The following PTPN21 variants were observed in gnomAD, a reference collection of about 807,000 sequenced individuals.
The protein encoded by PTPN21 is tyrosine-protein phosphatase non-receptor type 21.
PTPN21 carries 77 observed loss-of-function variants against 131.8 expected under a neutral mutation model. The ratio of observed to expected loss-of-function variants is 0.58; its 90% CI spans 0.49 to 0.71. The LOEUF is 0.71. Among genes scored for constraint, PTPN21 ranks in the 30% least tolerant of loss-of-function variants. PTPN21 has a pLI of 0.00. For missense variants in PTPN21, 1,552 were observed against 1,527.1 expected (o/e 1.02, Z -0.27); for synonymous variants, 715 against 621.3 (o/e 1.15, Z -2.24).
intron 2 of PTPN21, among the ~76,000 whole-genome samples, chr14:88,522,435 AAAAAAAAAG>A (rs1464390372): frequency 1.3e-5 from 2 of 150,730 alleles, no homozygotes; most frequent in Non-Finnish European, 3.0e-5. Flanking sequence ...CTCAAAAAAA[AAAAAAAAAG>A]AAAAAAAGAA....
chr14:88,484,108 A>C (rs1284142977), intron 12 of PTPN21, among the ~76,000 whole-genome samples: 1 of 151,858 alleles, frequency 6.6e-6, no homozygotes. Flanking sequence ...GTAGCACAAA[A>C]TCTTGGCTCA....
At chr14:88,519,394 T>G (rs2078355154) in intron 2 of PTPN21, among the ~76,000 whole-genome samples, 1 of 152,182 alleles carries the variant, frequency 6.6e-6, no homozygotes, top group Non-Finnish European at 1.5e-5. Context: ...TACTGAGTAC[T>G]TGAAATGTGG....
chr14:88,513,105 T>C (rs2078210661), intron 3 of PTPN21, among the ~76,000 whole-genome samples: 9 of 152,194 alleles, frequency 5.9e-5, no homozygotes. Flanking sequence ...TTTAAAGTAT[T>C]ATGAATTCAT....
rs141898696 is a variant in PTPN21, at chr14:88,507,954, T to C, written c.417A>G (p.Gln139=). The change falls in exon 4 of 19, where the codon CAA becomes CAG. Residue 139 remains glutamine, a synonymous_variant. Transcript: ENST00000556564. ...CAGCTAAGCCTGCTAGCTGAATTGC[T>C]TGTTCTAAGGTACAAGGAATACTTC... ...LEGSIPCTLE[Q]AIQLAGLAVQ... is the part of the protein sequence containing the mutation. 84 of 1,606,730 alleles carry C rather than the reference T, an allele frequency of 5.2e-5. 1 individual carries two copies. In the African/African-American group the frequency reaches 9.2e-4, roughly 18 times the overall value.
At chr14:88,478,560 T>A (rs73314122) in intron 13 of PTPN21, among the ~76,000 whole-genome samples, 5,406 of 151,974 alleles carry the variant, frequency 0.036, 352 homozygotes, top group African/African-American at 0.12. Flanking sequence ...ACCCACAGTA[T>A]TTTTAATGGG....
chr14:88,547,540 G>C (rs1234359235), intron 2 of PTPN21: 1 of 381,908 alleles, frequency 2.6e-6, no homozygotes, highest in Non-Finnish European at 5.2e-6. Context: ...TGTAGTCCCA[G>C]CTCTTGGCAG....
chr14:88,541,164 T>C (rs996901424), intron 2 of PTPN21, among the ~76,000 whole-genome samples: 1 of 152,200 alleles, frequency 6.6e-6, no homozygotes, highest in Admixed American at 6.5e-5. Context: ...AAACCCTTGA[T>C]AGGAAGTTAT....
chr14:88,468,876 T>C, intron 18 of PTPN21, 40 bp downstream of exon 18: 1 of 1,613,232 alleles, frequency 6.2e-7, no homozygotes, highest in Non-Finnish European at 8.5e-7. Context: ...CCCAGCCTCA[T>C]TTCCACCCAA....
chr14:88,549,576 G>A (rs1666040200), intron 2 of PTPN21, among the ~76,000 whole-genome samples: 1 of 152,038 alleles, frequency 6.6e-6, no homozygotes, highest in Non-Finnish European at 1.5e-5. Context: ...CAGCATGCGG[G>A]CCAGAGAAGC....
chr14:88,497,215 A>C lies in PTPN21; in HGVS notation c.840T>G (p.Ile280Met), dbSNP rs61742571. 4 of 1,607,104 alleles carry C rather than the reference A, an allele frequency of 2.5e-6. No homozygotes were observed. In the African/African-American group the frequency reaches 5.4e-5, roughly 22 times the overall value. ...AATGTTTACTCACAGTTTGAAATTGAATGGTCTCCTCTTTATTTGCCAGCT... is the reference window on the plus strand; with the variant it reads ...AATGTTTACTCACAGTTTGAAATTGCATGGTCTCCTCTTTATTTGCCAGCT... ...ALELANKEET[I>M]QFQTEDMETA... is the part of the protein sequence containing the mutation. Residue 280 changes from isoleucine (I) to methionine (M), a missense_variant, in exon 9 of 19, where the codon ATT (isoleucine) becomes ATG (methionine). By Grantham distance (10) the Ile-to-Met change is conservative. Transcript: ENST00000556564.
At chr14:88,471,833 A>G (rs1466150794) in intron 15 of PTPN21, among the ~76,000 whole-genome samples, 1 of 152,088 alleles carries the variant, frequency 6.6e-6, no homozygotes, top group African/African-American at 2.4e-5. Flanking sequence ...CAGGCAACAC[A>G]AGGTCAAGGC....
intron 10 of PTPN21, among the ~76,000 whole-genome samples, chr14:88,489,159 C>T (rs1282149793): frequency 6.6e-6 from 1 of 152,116 alleles, no homozygotes; most frequent in Non-Finnish European, 1.5e-5. Context: ...ATGTGGTATC[C>T]CTGGTGCCTT....
intron 2 of PTPN21, among the ~76,000 whole-genome samples, chr14:88,545,779 G>A (rs543280161): frequency 1.1e-4 from 17 of 152,100 alleles, no homozygotes; most frequent in Admixed American, 9.2e-4. Flanking sequence ...TGGCTAACAC[G>A]GTGAAACCCC....
At chr14:88,525,350 G>A (rs907569095) in intron 2 of PTPN21, among the ~76,000 whole-genome samples, 7 of 151,780 alleles carry the variant, frequency 4.6e-5, no homozygotes, top group African/African-American at 9.7e-5. Flanking sequence ...TACTTGAAAC[G>A]TATAAAATGA....
At chr14:88,493,089 C>T in intron 10 of PTPN21, 1 of 456,626 alleles carries the variant, frequency 2.2e-6, no homozygotes, top group South Asian at 1.5e-5. Flanking sequence ...CAGGGCAAGA[C>T]ATTTCACTTC....
At position 88,479,655 on chromosome 14, in the gene PTPN21, G is replaced by A; in HGVS notation, c.1776C>T (p.Pro592=). 4 of 1,545,500 alleles carry A rather than the reference G, an allele frequency of 2.6e-6. No individual in the cohort carries two copies. The highest frequency in any genetic ancestry group is 2.4e-5 in the South Asian group (2 of 81,990). Residue 592 remains proline, a synonymous_variant, in exon 13 of 19, where the codon CCC becomes CCT. Coordinates refer to ENST00000556564, the MANE Select transcript of PTPN21 (RefSeq NM_007039.4). ...SRHLYISSSN[P]DLITRRVHHS... is the part of the protein sequence containing the mutation. ...GGTGCACGCGCCGCGTGATGAGGTC[G>A]GGGTTGCTGCTGCTGATGTAAAGGT...
intron 8 of PTPN21, among the ~76,000 whole-genome samples, chr14:88,500,454 T>C (rs979288623): frequency 1.1e-4 from 16 of 152,018 alleles, no homozygotes; most frequent in African/African-American, 3.9e-4. Flanking sequence ...AACCAATAAA[T>C]AGCCTTGGAA....
intron 2 of PTPN21, among the ~76,000 whole-genome samples, chr14:88,519,536 A>G (rs925196570): frequency 6.6e-6 from 1 of 152,160 alleles, no homozygotes; most frequent in African/African-American, 2.4e-5. Context: ...ATAATAGAAC[A>G]TTTCTTTGAC....
chr14:88,517,894 A>G (rs2078306175), intron 2 of PTPN21, among the ~76,000 whole-genome samples: 1 of 145,604 alleles, frequency 6.9e-6, no homozygotes, highest in Non-Finnish European at 1.5e-5. Context: ...ATATACGTGT[A>G]TGTGTATATA....
Sources: allele counts gnomAD v4.1 joint callset (sites outside exome capture counted in the v4.1 genomes callset), GRCh38; gene constraint gnomAD v4.1.1; transcripts MANE v1.5; gene names NCBI Gene and HGNC (gene_info 2026-07-23, HGNC 2026-07-21).